The following POPDC3 variants were observed in gnomAD, a reference collection of about 807,000 sequenced individuals.
The protein encoded by POPDC3 is popeye domain-containing protein 3.
In POPDC3, 20 loss-of-function variants were observed where a neutral mutation model predicts 28.2. That is an observed-to-expected ratio of 0.71 (90% CI 0.50 to 1.03). The LOEUF (loss-of-function observed/expected upper bound fraction) is 1.03. Ranked by LOEUF, POPDC3 falls within the 50% of genes least tolerant of loss-of-function variation. The pLI is 0.00. For synonymous variants in POPDC3, 118 were observed against 124.1 expected (o/e 0.95, Z 0.33); for missense variants, 316 against 345.9 (o/e 0.91, Z 0.69).
intron 1 of POPDC3, among the ~76,000 whole-genome samples, chr6:105,174,500 C>T (rs1421751411): frequency 6.6e-6 from 1 of 152,178 alleles, no homozygotes; most frequent in Admixed American, 6.5e-5. Context: ...GTACAATGAA[C>T]TCATGGTAAG....
chr6:105,166,431 C>T (rs749529798), intron 1 of POPDC3: 7 of 326,810 alleles, frequency 2.1e-5, no homozygotes, highest in East Asian at 1.7e-4. Flanking sequence ...TAAGAAGTGT[C>T]GAACAAATCT....
chr6:105,158,067 C>A lies in POPDC3; in HGVS notation c.*403G>T, dbSNP rs1774223200. Among the ~76,000 whole-genome samples, 1 of 152,126 alleles carries A rather than the reference C, an allele frequency of 6.6e-6. No homozygotes were observed. The highest frequency in any genetic ancestry group is 6.5e-5 in the Admixed American group (1 of 15,270). ...AGCAAAAAAGTGAATTCCGGAAATG[C>A]CTATGTGGACAGTAGCAACCCACCC... On this transcript the variant is annotated 3_prime_UTR_variant, in exon 4 of 4. Transcript: ENST00000254765.
intron 1 of POPDC3, chr6:105,166,724 C>T (rs1774462868): frequency 2.2e-6 from 1 of 464,884 alleles, no homozygotes; most frequent in Non-Finnish European, 4.5e-6. Context: ...TTTTAATGGC[C>T]TTTATTATCT....
rs1219819321 is a variant in POPDC3, at chr6:105,158,231, C to A, written c.*239G>T. The A allele has an allele frequency of 1.2e-5, 5 of 432,188 alleles. No homozygotes were observed. The highest frequency in any genetic ancestry group is 2.0e-5 in the Non-Finnish European group (5 of 245,192). The allele number at this position is 432,188 out of a possible 1,614,324, so 26.8% of individuals were successfully genotyped here. Reference sequence around the variant, plus strand: ...CTCCCAGTTTTGATGCAGAAAAGGGCAAACTGCCCATAGTTATCCACCCCC... The same window carrying A: ...CTCCCAGTTTTGATGCAGAAAAGGGAAAACTGCCCATAGTTATCCACCCCC... On this transcript the variant is annotated 3_prime_UTR_variant, in exon 4 of 4. Transcript: ENST00000254765.
intron 2 of POPDC3, among the ~76,000 whole-genome samples, chr6:105,160,646 G>A (rs1774303399): frequency 6.6e-6 from 1 of 152,124 alleles, no homozygotes; most frequent in Non-Finnish European, 1.5e-5. Flanking sequence ...AGGCTGAAGT[G>A]TAGTGGCGCG....
chr6:105,171,778 CTG>C (rs1774582998), intron 1 of POPDC3, among the ~76,000 whole-genome samples: 1 of 142,604 alleles, frequency 7.0e-6, no homozygotes, highest in African/African-American at 2.7e-5. Flanking sequence ...GTTTTCAAAA[CTG>C]TGATCTATTT....
rs894737754 is a variant in POPDC3 at position 105,158,453 on chromosome 6, A to C, written c.*17T>G. Reference sequence around the variant, plus strand: ...GAGAGAGTCTTTTTTTATACTTATAAATTTCAGACTTTGATGTCATTTATC... The same window carrying C: ...GAGAGAGTCTTTTTTTATACTTATACATTTCAGACTTTGATGTCATTTATC... On this transcript the variant is annotated 3_prime_UTR_variant, in exon 4 of 4. Transcript: ENST00000254765. 13 of 1,576,392 alleles carry C rather than the reference A, an allele frequency of 8.2e-6. No individual in the cohort carries two copies. The highest frequency in any genetic ancestry group is 4.5e-5 in the East Asian group (2 of 44,482).
At chr6:105,159,398 T>G (rs1048750101) in intron 3 of POPDC3, among the ~76,000 whole-genome samples, 22 of 152,250 alleles carry the variant, frequency 1.4e-4, no homozygotes, top group African/African-American at 3.1e-4. Flanking sequence ...AGACGTCGCA[T>G]TAGCAGTGTT....
intron 1 of POPDC3, among the ~76,000 whole-genome samples, chr6:105,162,453 C>T (rs1189839017): frequency 2.6e-5 from 4 of 152,118 alleles, no homozygotes; most frequent in Admixed American, 6.6e-5. Context: ...AAATGCGGGC[C>T]GGGCGAGGTG....
chr6:105,171,271 G>A (rs563525660), intron 1 of POPDC3, among the ~76,000 whole-genome samples: 4 of 152,230 alleles, frequency 2.6e-5, no homozygotes, highest in South Asian at 4.1e-4. Context: ...TCCCTAATAC[G>A]TCAATTTTTT....
In POPDC3 at chr6:105,158,635, A is replaced by G. The variant is rs781686581; in HGVS notation, c.711T>C (p.Ser237=). The stretch of plus-strand genomic sequence containing the variant: ...AGGCATAGAGTTTATCTGCAATGTC[A>G]CTGCCAATTAGCACTGAAAAAAGGC... ...ISRLFSVLIG[S]DIADKLYALN... The change falls in exon 4 of 4, where the codon AGT becomes AGC. Residue 237 remains serine (S), a synonymous_variant. Coordinates refer to ENST00000254765, the MANE Select transcript of POPDC3 (RefSeq NM_022361.5). 1 of 1,614,188 alleles carries G rather than the reference A, an allele frequency of 6.2e-7. No homozygotes were observed. The highest frequency in any genetic ancestry group is 8.5e-7 in the Non-Finnish European group (1 of 1,180,014).
chr6:105,164,039 A>G (rs919079735), intron 1 of POPDC3, among the ~76,000 whole-genome samples: 1 of 152,224 alleles, frequency 6.6e-6, no homozygotes, highest in African/African-American at 2.4e-5. Context: ...TACAATGAGT[A>G]GTGAGAACTG....
chr6:105,160,953 G>C (rs1170469661), intron 2 of POPDC3, among the ~76,000 whole-genome samples: 1 of 152,056 alleles, frequency 6.6e-6, no homozygotes. Flanking sequence ...ATATGTTCCT[G>C]AAGTGTCTCC....
rs1436332743 is a variant in POPDC3 at position 105,179,964 on chromosome 6, G to C, written c.-383C>G. The stretch of plus-strand genomic sequence containing the variant: ...TCGTGAGTGCCTCGCCGCCCACCCT[G>C]CGGCGCCGGGCGCAGCGTGACCGCA... On this transcript the variant is annotated 5_prime_UTR_variant, in exon 1 of 4. Transcript: ENST00000254765. 1.3e-5 allele frequency: 2 copies of C among 148,642 alleles called. No homozygotes were observed. The allele number at this position is 148,642 out of a possible 1,614,324, so 9.2% of individuals were successfully genotyped here. A position where few individuals can be genotyped will look rare whatever the true frequency, so the allele number is the denominator to read the frequency against.
intron 1 of POPDC3, among the ~76,000 whole-genome samples, chr6:105,174,700 A>G (rs1774650248): frequency 6.6e-6 from 1 of 152,180 alleles, no homozygotes. Context: ...GGAAAGAAAC[A>G]TGGGCATTTC....
intron 2 of POPDC3, chr6:105,160,217 T>A (rs1370279048): frequency 6.5e-6 from 1 of 154,796 alleles, no homozygotes; most frequent in Non-Finnish European, 1.4e-5. Context: ...AATTTTTATT[T>A]TTTATTTATT....
intron 1 of POPDC3, among the ~76,000 whole-genome samples, chr6:105,174,017 G>A (rs1025986625): frequency 1.3e-5 from 2 of 152,078 alleles, no homozygotes; most frequent in South Asian, 2.1e-4. Flanking sequence ...TTAGGACTCC[G>A]GGCAGAAAAA....
At chr6:105,164,151 G>A (rs1774409132) in intron 1 of POPDC3, among the ~76,000 whole-genome samples, 1 of 152,162 alleles carries the variant, frequency 6.6e-6, no homozygotes, top group Non-Finnish European at 1.5e-5. Context: ...ACGAAAGCCA[G>A]TTTAAAAAGA....
At chr6:105,171,696 TATTA>T (rs1284769853) in intron 1 of POPDC3, among the ~76,000 whole-genome samples, 2 of 151,226 alleles carry the variant, frequency 1.3e-5, no homozygotes, top group African/African-American at 2.4e-5. Context: ...TAATTATTAT[TATTA>T]ATTAAAAACC....
Sources: gnomAD v4.1 joint callset for allele counts (sites outside exome capture counted in the v4.1 genomes callset) on GRCh38, gnomAD v4.1.1 for gene constraint, MANE v1.5 for transcripts, NCBI Gene and HGNC (gene_info 2026-07-23, HGNC 2026-07-21) for gene names.